Variants in CCSER1 observed in about 807,000 individuals in gnomAD.
CCSER1 encodes coiled-coil serine rich protein 1, also known as serine-rich coiled-coil domain-containing protein 1.
Under a neutral mutation model 82.0 loss-of-function variants are expected in CCSER1, and 41 were observed. The ratio of observed to expected loss-of-function variants is 0.50; its 90% CI spans 0.39 to 0.65. The LOEUF is 0.65. Ranked by LOEUF, CCSER1 falls within the 30% of genes least tolerant of loss-of-function variation. The pLI is 0.00. For missense variants in CCSER1, 1,119 were observed against 1,064.2 expected (o/e 1.05, Z -0.72); for synonymous variants, 414 against 383.9 (o/e 1.08, Z -0.92).
intron 10 of CCSER1, among the ~76,000 whole-genome samples, chr4:91,141,725 AATT>A (rs1165684262): frequency 1.3e-5 from 2 of 152,102 alleles, no homozygotes; most frequent in African/African-American, 2.4e-5. Flanking sequence ...ACAGTGGCTG[AATT>A]AAGTTACATC....
chr4:91,082,170 C>T (rs1469236918), intron 9 of CCSER1, among the ~76,000 whole-genome samples: 2 of 152,142 alleles, frequency 1.3e-5, no homozygotes, highest in Non-Finnish European at 2.9e-5. Context: ...AAGTATACTA[C>T]AAGGCTACAG....
intron 10 of CCSER1, among the ~76,000 whole-genome samples, chr4:91,551,656 A>AACAC (rs58159693): frequency 0.031 from 4,270 of 139,442 alleles, 85 homozygotes; most frequent in African/African-American, 0.036. Context: ...GCAAAAAACA[A>AACAC]ACACACACAC....
At chr4:90,367,970 G>A (rs1048989939) in intron 3 of CCSER1, among the ~76,000 whole-genome samples, 2 of 151,882 alleles carry the variant, frequency 1.3e-5, no homozygotes, top group Non-Finnish European at 2.9e-5. Flanking sequence ...GTATTTTAGG[G>A]AATTTGATGC....
At chr4:91,201,784 T>G (rs1735919839) in intron 10 of CCSER1, among the ~76,000 whole-genome samples, 1 of 152,024 alleles carries the variant, frequency 6.6e-6, no homozygotes, top group Non-Finnish European at 1.5e-5. Context: ...AAATAAGTAT[T>G]TCTTTTCAAA....
intron 9 of CCSER1, among the ~76,000 whole-genome samples, chr4:90,931,599 A>C (rs1022250014): frequency 1.3e-5 from 2 of 152,112 alleles, no homozygotes; most frequent in African/African-American, 4.8e-5. Flanking sequence ...ACACTAGCTC[A>C]TGGCTTTTCT....
intron 1 of CCSER1, among the ~76,000 whole-genome samples, chr4:90,265,106 T>G (rs993569600): frequency 2.0e-5 from 3 of 151,970 alleles, no homozygotes; most frequent in Non-Finnish European, 4.4e-5. Flanking sequence ...ATACAGACCT[T>G]TATAGAGTGT....
chr4:90,988,720 T>G (rs2150440980), intron 9 of CCSER1, among the ~76,000 whole-genome samples: 1 of 151,986 alleles, frequency 6.6e-6, no homozygotes, highest in South Asian at 2.1e-4. Flanking sequence ...TCATTTTCAT[T>G]ATTGAAACTC....
In CCSER1 at chr4:90,138,274, C is replaced by T. The variant is rs111251042; in HGVS notation, c.-42+10443C>T. 2.1e-3 allele frequency among the ~76,000 whole-genome samples: 319 copies of T among 152,226 alleles called. 4 individuals are homozygous for T. Among genetic ancestry groups the T allele is most frequent in the African/African-American group, 6.6e-3 (274 of 41,526 alleles). ...TGGCACAGTCATATCTCAATACAGCCTCAAACTCCTGGGATCAAGTGATCC... is the reference window on the plus strand; with the variant it reads ...TGGCACAGTCATATCTCAATACAGCTTCAAACTCCTGGGATCAAGTGATCC... On this transcript the variant is annotated intron_variant, in intron 1 of 10. Coordinates refer to ENST00000509176, the MANE Select transcript of CCSER1 (RefSeq NM_001145065.2).
chr4:90,194,458 A>T (rs1736229454), intron 1 of CCSER1, among the ~76,000 whole-genome samples: 2 of 152,182 alleles, frequency 1.3e-5, no homozygotes, highest in East Asian at 3.9e-4. Context: ...TATATGCCAT[A>T]CTTCAGTGAT....
At chr4:90,997,275 C>A (rs1737579680) in intron 9 of CCSER1, among the ~76,000 whole-genome samples, 1 of 152,080 alleles carries the variant, frequency 6.6e-6, no homozygotes, top group South Asian at 2.1e-4. Context: ...TCAAAGCCAG[C>A]AGCACAGCAT....
chr4:90,803,477 T>G (rs917714012), intron 7 of CCSER1, among the ~76,000 whole-genome samples: 3 of 152,176 alleles, frequency 2.0e-5, no homozygotes, highest in African/African-American at 7.2e-5. Context: ...TTTTCTGTCC[T>G]TGTGATAGTT....
At chr4:91,377,798 G>T (rs1218483759) in intron 10 of CCSER1, among the ~76,000 whole-genome samples, 1 of 152,034 alleles carries the variant, frequency 6.6e-6, no homozygotes, top group Non-Finnish European at 1.5e-5. Context: ...CATTGCTTTT[G>T]GTGTTTTAGA....
At chr4:91,162,974 C>T (rs1305489735) in intron 10 of CCSER1, among the ~76,000 whole-genome samples, 1 of 152,098 alleles carries the variant, frequency 6.6e-6, no homozygotes, top group Non-Finnish European at 1.5e-5. Flanking sequence ...CTTCTGCTCG[C>T]TTTTGAATGT....
chr4:91,104,003 A>G (rs1333166588), intron 10 of CCSER1, among the ~76,000 whole-genome samples: 1 of 151,974 alleles, frequency 6.6e-6, no homozygotes, highest in East Asian at 1.9e-4. Flanking sequence ...GAGGTCTATA[A>G]ACGGCCGCTC....
intron 9 of CCSER1, among the ~76,000 whole-genome samples, chr4:90,926,925 G>A (rs973831661): frequency 1.3e-5 from 2 of 151,992 alleles, no homozygotes; most frequent in African/African-American, 4.8e-5. Context: ...ACATTGAGGG[G>A]TAGGGAAGTT....
At chr4:91,092,776 G>A (rs761599351) in intron 10 of CCSER1, among the ~76,000 whole-genome samples, 1 of 152,102 alleles carries the variant, frequency 6.6e-6, no homozygotes, top group Admixed American at 6.6e-5. Context: ...GAAGAAGTAG[G>A]CACCAGATCA....
intron 6 of CCSER1, among the ~76,000 whole-genome samples, chr4:90,633,179 A>G (rs1336858195): frequency 1.3e-5 from 2 of 152,094 alleles, no homozygotes; most frequent in East Asian, 3.9e-4. Flanking sequence ...GTGTTTATTA[A>G]TAAATAAATG....
chr4:91,126,934 A>AT (rs577493801), intron 10 of CCSER1, among the ~76,000 whole-genome samples: 10 of 150,240 alleles, frequency 6.7e-5, no homozygotes, highest in South Asian at 2.1e-4. Context: ...GTTTTTCAGG[A>AT]TTTTTTTTTT....
intron 10 of CCSER1, among the ~76,000 whole-genome samples, chr4:91,286,451 A>G (rs1274472079): frequency 1.3e-5 from 2 of 151,964 alleles, no homozygotes; most frequent in Non-Finnish European, 2.9e-5. Flanking sequence ...AAATACCAAA[A>G]TGATGCATCA....
Sources: gnomAD v4.1 joint callset for allele counts (sites outside exome capture counted in the v4.1 genomes callset) on GRCh38, gnomAD v4.1.1 for gene constraint, MANE v1.5 for transcripts, NCBI Gene and HGNC (gene_info 2026-07-23, HGNC 2026-07-21) for gene names.